Variants in BUD31 observed in about 807,000 individuals in gnomAD.
BUD31 encodes the protein protein BUD31 homolog.
BUD31 carries 9 observed loss-of-function variants against 17.9 expected under a neutral mutation model. The observed-to-expected ratio is 0.50, with a 90% CI of 0.30 to 0.88. The LOEUF is 0.88. BUD31 is among the 40% of genes least tolerant of loss of function. The pLI, the probability that BUD31 is intolerant of heterozygous loss-of-function variation, is 0.06. For missense variants in BUD31, 148 were observed against 184.5 expected, an observed-to-expected ratio of 0.80 and a Z score of 1.15; for synonymous variants, 70 against 64.7, an observed-to-expected ratio of 1.08 and a Z score of -0.39.
chr7:99,413,549 G>GA (rs1428537548), intron 3 of BUD31, among the ~76,000 whole-genome samples: 3 of 152,190 alleles, frequency 2.0e-5, no homozygotes, highest in Non-Finnish European at 4.4e-5. Flanking sequence ...AAATAGATCT[G>GA]AAAGCATAGG....
chr7:99,409,898 T>C (rs1449134387), intron 1 of BUD31, 136 bp from the exon 2 acceptor site: 2 of 152,206 alleles, frequency 1.3e-5, no homozygotes, highest in Non-Finnish European at 2.9e-5. Context: ...AAGGAAATGC[T>C]GTGTGGTTTG....
Position 99,416,169 on chromosome 7 carries a change from A to G in BUD31, c.126A>G (p.Lys42=), listed in dbSNP as rs550182265. Residue 42 remains lysine (K), a synonymous_variant, in exon 4 of 6, where the codon AAA becomes AAG. Transcript: ENST00000222969. The part of the protein sequence containing the change: ...AETEPHEGKR[K]VESLWPIFRI... ...CAGAACCGCATGAGGGAAAGAGGAA[A>G]GTGGAATCTCTGTGGCCCATCTTCA... The G allele has an allele frequency of 3.1e-6, 5 of 1,614,018 alleles. No individual in the cohort carries two copies. In the African/African-American group the frequency reaches 5.3e-5, roughly 17 times the overall value.
In BUD31 at chr7:99,419,569, C is replaced by T. The variant is rs1584447886; in HGVS notation, c.*128C>T. 2 of 1,045,562 alleles carry T rather than the reference C, an allele frequency of 1.9e-6. No individual in the cohort carries two copies. The highest frequency in any genetic ancestry group is 2.4e-5 in the East Asian group (1 of 41,540). The allele number at this position is 1,045,562 out of a possible 1,614,324, so 64.8% of individuals were successfully genotyped here. On this transcript the variant is annotated 3_prime_UTR_variant, in exon 6 of 6. Transcript: ENST00000222969. ...CACGGTCTCTATGGGGAAGGCTTCG[C>T]TGTCTATCAGCTGTGATTTGTAAAA...
In BUD31 at chr7:99,411,386, TG is replaced by T. The variant is rs1309555991; in HGVS notation, c.94+201del. The T allele has an allele frequency of 4.4e-5, 23 of 522,190 alleles. No individual in the cohort carries two copies. In the East Asian group the frequency reaches 7.2e-4, roughly 16 times the overall value. The allele number at this position is 522,190 out of a possible 1,614,324, so 32.3% of individuals were successfully genotyped here. On this transcript the variant is annotated intron_variant, in intron 3 of 5. Transcript: ENST00000222969. ...TTAATGAAAAGGTCCTCAGAAAAGG[TG>T]TTTTTTTTTGTTTTTGTTTTTGCCA...
chr7:99,416,135 C>T lies in BUD31; in HGVS notation c.95-3C>T, dbSNP rs1160738262. The stretch of plus-strand genomic sequence containing the variant: ...CCCAAACACACTCTTTGTTTCTCCC[C>T]AGCTGAAACAGAACCGCATGAGGGA... On this transcript the variant is annotated splice_region_variant and splice_polypyrimidine_tract_variant and intron_variant, in intron 3 of 5. Coordinates refer to ENST00000222969, the MANE Select transcript of BUD31 (RefSeq NM_003910.4). The T allele has an allele frequency of 3.1e-6, 5 of 1,613,136 alleles. No homozygotes were observed. The highest frequency in any genetic ancestry group is 1.3e-5 in the African/African-American group (1 of 74,876).
At chr7:99,411,238 T>G in intron 3 of BUD31, 52 bp downstream of exon 3, 1 of 1,396,000 alleles carries the variant, frequency 7.2e-7, no homozygotes, top group South Asian at 1.2e-5. Context: ...GTCACAGGCT[T>G]AGATGCCCCC....
chr7:99,416,003 C>T (rs1795427831), intron 3 of BUD31, 135 bp from the exon 4 acceptor site: 2 of 1,249,216 alleles, frequency 1.6e-6, no homozygotes, highest in East Asian at 4.9e-5. Flanking sequence ...GCCTCGGCAC[C>T]TGGGTGGCTT....
rs1171634056 is a variant in BUD31, at chr7:99,417,322, G to GGATTACAGGT, written c.218-105_218-96dup. On this transcript the variant is annotated intron_variant, in intron 4 of 5. Transcript: ENST00000222969. ...CCTGCCTCGGCCTCCCAAAGTGCTG[G>GGATTACAGGT]GATTACAGGTGTGAGCCACTGCACC... is the stretch of plus-strand genomic sequence containing the variant. 3.4e-6 allele frequency: 4 copies of GGATTACAGGT among 1,161,042 alleles called. No individual in the cohort carries two copies. The African/African-American group carries it at 6.1e-5, about 18-fold the overall frequency. The allele number at this position is 1,161,042 out of a possible 1,614,324, so 71.9% of individuals were successfully genotyped here. A position where few individuals can be genotyped will look rare whatever the true frequency, so the allele number is the denominator to read the frequency against.
chr7:99,410,816 C>T (rs1240193129), intron 2 of BUD31, among the ~76,000 whole-genome samples: 2 of 152,198 alleles, frequency 1.3e-5, no homozygotes, highest in Admixed American at 6.5e-5. Flanking sequence ...GCAATGACCA[C>T]ATAAGGTAGC....
intron 2 of BUD31, among the ~76,000 whole-genome samples, chr7:99,410,706 G>A (rs1452131294): frequency 6.6e-6 from 1 of 152,098 alleles, no homozygotes; most frequent in East Asian, 1.9e-4. Context: ...TCCAGTATAG[G>A]GTTAAGCTTT....
intron 5 of BUD31, chr7:99,418,100 T>C (rs1312902929): frequency 1.1e-5 from 6 of 565,896 alleles, no homozygotes; most frequent in African/African-American, 4.1e-5. Context: ...CCTGAGTAGC[T>C]GGGACTACAG....
chr7:99,418,061 G>A (rs1350269963), intron 5 of BUD31: 18 of 963,662 alleles, frequency 1.9e-5, no homozygotes, highest in South Asian at 2.4e-5. Context: ...TCCACCTCCC[G>A]GGTTCAAGCG....
intron 4 of BUD31, chr7:99,417,088 T>C: frequency 4.3e-6 from 1 of 234,328 alleles, no homozygotes; most frequent in South Asian, 4.9e-5. Flanking sequence ...AGATGGAGTT[T>C]CGCTGTCACC....
In BUD31 at chr7:99,417,607, C is replaced by T. The variant is rs1795576038; in HGVS notation, c.384+12C>T. 6.2e-7 allele frequency: 1 copy of T among 1,610,028 alleles called. No homozygotes were observed. ...GCAAGCTGGAAGTGGTAATGTCTGA[C>T]ACTCAAGCTTGGTGTTGTTTTCAGC... On this transcript the variant is annotated intron_variant, in intron 5 of 5. Transcript: ENST00000222969.
chr7:99,414,034 AC>A (rs1304442316), intron 3 of BUD31, among the ~76,000 whole-genome samples: 1 of 152,274 alleles, frequency 6.6e-6, no homozygotes, highest in African/African-American at 2.4e-5. Context: ...CATGTCTCAC[AC>A]ATGGATGTGA....
At chr7:99,417,995 T>C in intron 5 of BUD31, 4 of 1,166,732 alleles carry the variant, frequency 3.4e-6, no homozygotes, top group Non-Finnish European at 4.3e-6. Context: ...CAAGACGGAG[T>C]CTTGCTTTGT....
chr7:99,411,971 G>C (rs542245553), intron 3 of BUD31: 1 of 294,716 alleles, frequency 3.4e-6, no homozygotes, highest in Admixed American at 4.8e-5. Flanking sequence ...CTCCCAAAGT[G>C]ATGGGATTAC....
At chr7:99,418,547 A>G (rs1264749071) in intron 5 of BUD31, 1 of 152,636 alleles carries the variant, frequency 6.6e-6, no homozygotes, top group Non-Finnish European at 1.5e-5. Flanking sequence ...GAGACTGACA[A>G]TGGAGAGCTG....
chr7:99,414,539 AGTTT>A lies in BUD31; in HGVS notation c.95-1597_95-1594del, dbSNP rs556059353. On this transcript the variant is annotated intron_variant, in intron 3 of 5. Transcript: ENST00000222969. The stretch of plus-strand genomic sequence containing the variant: ...AAGTTGTACGACCATTGCCACAGTT[AGTTT>A]GATGTTTCAAGGTTCATCTGTGTTG... Among the ~76,000 whole-genome samples the A allele has an allele frequency of 1.6e-4, 24 of 152,276 alleles. No individual in the cohort carries two copies. In the East Asian group the frequency reaches 3.9e-3, roughly 24 times the overall value.
Sources: gnomAD v4.1 joint callset for allele counts (sites outside exome capture counted in the v4.1 genomes callset) on GRCh38, gnomAD v4.1.1 for gene constraint, MANE v1.5 for transcripts, NCBI Gene and HGNC (gene_info 2026-07-23, HGNC 2026-07-21) for gene names.